The following FAM186A variants were observed in gnomAD, a reference collection of about 807,000 sequenced individuals.
The protein encoded by FAM186A is protein FAM186A.
In FAM186A, 163 loss-of-function variants were observed where a neutral mutation model predicts 216.8. That is an observed-to-expected ratio of 0.75 (90% confidence interval 0.66 to 0.86). The LOEUF (loss-of-function observed/expected upper bound fraction) is 0.86. Ranked by LOEUF, FAM186A falls within the 40% of genes least tolerant of loss-of-function variation. The probability of loss-of-function intolerance (pLI) is 0.00; values close to 1 mark genes in which losing one functional copy is unlikely to be tolerated. For missense variants in FAM186A, 2,184 were observed against 2,746.2 expected (o/e 0.80, Z 4.58); for synonymous variants, 805 against 1,025.3 (o/e 0.79, Z 4.10).
At chr12:50,393,172 C>T (rs1352153428) in intron 1 of FAM186A, among the ~76,000 whole-genome samples, 1 of 151,944 alleles carries the variant, frequency 6.6e-6, no homozygotes, top group Non-Finnish European at 1.5e-5. Flanking sequence ...GTGATCCGCC[C>T]GCCTCGCCTC....
At position 50,377,757 on chromosome 12, in the gene FAM186A, C is replaced by A. The variant is rs114504811; in HGVS notation, c.193-14393G>T. Among the ~76,000 whole-genome samples the A allele has an allele frequency of 5.8e-3, 874 of 149,440 alleles. 9 individuals carry two copies. The highest frequency in any genetic ancestry group is 0.021 in the African/African-American group (834 of 40,662). On this transcript the variant is annotated intron_variant, in intron 1 of 7. Transcript: ENST00000327337. ...CTGAGGAAAGAGAATTGCTTGAACC[C>A]GGTGGGGGCAGAAGTTTCAGTGAGC...
In FAM186A at chr12:50,363,265, G is replaced by A; in HGVS notation, c.292C>T (p.Leu98Phe). Reference protein sequence around the residue: ...FNSSSERNVSLTEHKKKQRTN... With the variant: ...FNSSSERNVSFTEHKKKQRTN... ...CTCTGTTTTTTCTTATGTTCTGTAAGGGAGACATTCCTTTCAGAGGACGAG... is the reference window on the plus strand; with the variant it reads ...CTCTGTTTTTTCTTATGTTCTGTAAAGGAGACATTCCTTTCAGAGGACGAG... Residue 98 changes from leucine (L) to phenylalanine (F), a missense_variant, in exon 2 of 8, where the codon CTT becomes TTT. Physicochemically the swap from Leu to Phe is conservative, Grantham distance 22. This residue lies in a region of FAM186A where 1,132 missense variants were observed against 1,263.4 expected (regional missense o/e 0.90). Transcript: ENST00000327337. 1 of 1,551,512 alleles carries A rather than the reference G, an allele frequency of 6.4e-7. No homozygotes were observed. Among genetic ancestry groups the A allele is most frequent in the Non-Finnish European group, 8.7e-7 (1 of 1,146,942 alleles).
chr12:50,327,596 C>T (rs1306902382), intron 7 of FAM186A, among the ~76,000 whole-genome samples, 192 bp from the exon 8 acceptor site: 1 of 143,938 alleles, frequency 6.9e-6, no homozygotes, highest in Non-Finnish European at 1.5e-5. Flanking sequence ...GGCTGTAGTA[C>T]AGTGGTGCCA....
chr12:50,354,741 C>T lies in FAM186A; in HGVS notation c.2091G>A (p.Pro697=), dbSNP rs568126633. The stretch of plus-strand genomic sequence containing the variant: ...CTCTTTTTAATAACTCCTCTTCCTT[C>T]GGAACAGTCTTTTTGTCAAAAGCCT... The part of the protein sequence containing the change: ...IGKAFDKKTV[P]KEEELLKRAE... Residue 697 remains proline (P), a synonymous_variant, in exon 4 of 8, where the codon CCG becomes CCA. Transcript: ENST00000327337. The T allele has an allele frequency of 2.5e-5, 38 of 1,545,000 alleles. No individual in the cohort carries two copies. The highest frequency in any genetic ancestry group is 3.7e-5 in the South Asian group (3 of 81,576).
rs1030818757 is a variant in FAM186A, at chr12:50,347,698, C to A, written c.6503+2631G>T. ...CATCTCAAAAAAAAAAAAAATTCCC[C>A]GAAATAATAGGTTGGTAACTTCAAA... On this transcript the variant is annotated intron_variant, in intron 4 of 7. Coordinates refer to ENST00000327337, the MANE Select transcript of FAM186A (RefSeq NM_001145475.3). Among the ~76,000 whole-genome samples, 15 of 151,644 alleles carry A rather than the reference C, an allele frequency of 9.9e-5. No individual in the cohort carries two copies. In the South Asian group the frequency reaches 3.1e-3, roughly 32 times the overall value.
At chr12:50,395,241 A>C (rs112029321) in intron 1 of FAM186A, among the ~76,000 whole-genome samples, 33 of 152,074 alleles carry the variant, frequency 2.2e-4, no homozygotes, top group African/African-American at 7.7e-4. Context: ...GGTTTGAGCT[A>C]ACATGCCTGG....
intron 6 of FAM186A, among the ~76,000 whole-genome samples, 165 bp downstream of exon 6, chr12:50,331,505 G>A (rs1266470419): frequency 6.6e-6 from 1 of 152,074 alleles, no homozygotes; most frequent in Non-Finnish European, 1.5e-5. Flanking sequence ...GCCTCCCAAA[G>A]TGCTGGGATT....
At position 50,352,167 on chromosome 12, in the gene FAM186A, G is replaced by C. The variant is rs558450201; in HGVS notation, c.4665C>G (p.Leu1555=). 78 of 1,525,792 alleles carry C rather than the reference G, an allele frequency of 5.1e-5. 2 individuals carry two copies. The South Asian group carries it at 6.2e-4, about 12-fold the overall frequency. 94.5% of individuals were successfully genotyped at this position (1,525,792 alleles called of 1,614,324 possible). ...PQQVQALGIP[L]IPPQAQELEI... Reference sequence around the variant, plus strand: ...CCAATTCCTGAGCCTGCGGAGGGATGAGAGGGATCCCCAGGGCCTGGACCT... The same window carrying C: ...CCAATTCCTGAGCCTGCGGAGGGATCAGAGGGATCCCCAGGGCCTGGACCT... Residue 1555 remains leucine (L), a synonymous_variant, in exon 4 of 8, where the codon CTC becomes CTG. Transcript: ENST00000327337.
At chr12:50,390,979 C>A (rs1255938300) in intron 1 of FAM186A, among the ~76,000 whole-genome samples, 1 of 151,996 alleles carries the variant, frequency 6.6e-6, no homozygotes, top group Non-Finnish European at 1.5e-5. Flanking sequence ...CATGAGCTAC[C>A]ATGCCCTACC....
rs1942616169 is a variant in FAM186A, at chr12:50,327,404, C to T, written c.7035G>A (p.Arg2345=). 6.5e-6 allele frequency: 10 copies of T among 1,546,572 alleles called. No individual in the cohort carries two copies. Among genetic ancestry groups the T allele is most frequent in the Non-Finnish European group, 8.7e-6 (10 of 1,143,782 alleles). ...FRKSLASLQS[R]VKKIPK ...ACAGTCATTTGGGAATCTTCTTAAC[C>T]CTGGAAATGAGACAAGAAAATTAAC... Residue 2345 remains arginine (R), a splice_region_variant and synonymous_variant, in exon 8 of 8, where the codon CGG becomes CGA. Coordinates refer to ENST00000327337, the MANE Select transcript of FAM186A (RefSeq NM_001145475.3).
chr12:50,338,750 A>AC (rs1942735332), intron 4 of FAM186A, among the ~76,000 whole-genome samples: 2 of 152,108 alleles, frequency 1.3e-5, no homozygotes, highest in South Asian at 4.2e-4. Context: ...TCTACCAATT[A>AC]TTAGCTGTGT....
chr12:50,388,501 T>A (rs939753963), intron 1 of FAM186A, among the ~76,000 whole-genome samples: 1 of 151,400 alleles, frequency 6.6e-6, no homozygotes, highest in African/African-American at 2.4e-5. Flanking sequence ...TGCCCATAAT[T>A]CCAGCTACTT....
chr12:50,346,237 A>AAAGAAAGAAAG (rs1383898895), intron 4 of FAM186A, among the ~76,000 whole-genome samples: 2,182 of 102,240 alleles, frequency 0.021, 449 homozygotes, highest in East Asian at 0.073. Flanking sequence ...AAGAAAGAAA[A>AAAGAAAGAAAG]AAAGAAAGAA....
intron 4 of FAM186A, among the ~76,000 whole-genome samples, chr12:50,349,554 G>A (rs554162130): frequency 6.6e-6 from 1 of 152,166 alleles, no homozygotes; most frequent in African/African-American, 2.4e-5. Flanking sequence ...ATAAGTGAGA[G>A]CATGTGAAGT....
chr12:50,393,232 G>A (rs999266330), intron 1 of FAM186A, among the ~76,000 whole-genome samples: 8 of 151,842 alleles, frequency 5.3e-5, no homozygotes, highest in Admixed American at 1.3e-4. Flanking sequence ...CTCGATACTT[G>A]CATACTTTTA....
intron 4 of FAM186A, 24 bp downstream of exon 4, chr12:50,350,305 C>G: frequency 6.7e-7 from 1 of 1,485,852 alleles, no homozygotes; most frequent in African/African-American, 1.4e-5. Context: ...AACCAGAAAA[C>G]TAGACGTAAA....
chr12:50,358,907 A>G lies in FAM186A; in HGVS notation c.583+1849T>C, dbSNP rs1266050183. Among the ~76,000 whole-genome samples the G allele has an allele frequency of 1.9e-4, 25 of 130,966 alleles. No homozygotes were observed. In the Admixed American group the frequency reaches 2.1e-3, roughly 11 times the overall value. 85.9% of individuals were successfully genotyped at this position (130,966 alleles called of 152,430 possible). On this transcript the variant is annotated intron_variant, in intron 3 of 7. Coordinates refer to ENST00000327337, the MANE Select transcript of FAM186A (RefSeq NM_001145475.3). ...CACTGCACTCCAACCTGGGCGACAG[A>G]GTAAGACTCTGTCTCAAAAAAAAAA...
At chr12:50,346,214 A>AGG (rs1334731702) in intron 4 of FAM186A, among the ~76,000 whole-genome samples, 6 of 130,776 alleles carry the variant, frequency 4.6e-5, no homozygotes, top group Non-Finnish European at 9.7e-5. Flanking sequence ...AGAGAGAGAG[A>AGG]GAGAAGGAAA....
At chr12:50,344,490 TACC>T (rs1942793655) in intron 4 of FAM186A, among the ~76,000 whole-genome samples, 1 of 152,260 alleles carries the variant, frequency 6.6e-6, no homozygotes, top group Non-Finnish European at 1.5e-5. Flanking sequence ...GTTGTATATA[TACC>T]ACATTTTCTT....
Sources: allele counts gnomAD v4.1 joint callset (sites outside exome capture counted in the v4.1 genomes callset), GRCh38; gene constraint gnomAD v4.1.1; regional missense constraint gnomAD v4.1.1; transcripts MANE v1.5; gene names NCBI Gene and HGNC (gene_info 2026-07-23, HGNC 2026-07-21).